Variants in USP25 observed in about 807,000 individuals in gnomAD.
USP25 encodes the protein ubiquitin carboxyl-terminal hydrolase 25.
USP25 carries 85 observed loss-of-function variants against 158.5 expected under a neutral mutation model. That is an observed-to-expected ratio of 0.54 (90% CI 0.45 to 0.64). USP25 has a LOEUF of 0.64. USP25 is among the 30% of genes least tolerant of loss of function. The pLI, the probability that USP25 is intolerant of heterozygous loss-of-function variation, is 0.00. For missense variants in USP25, 1,242 were observed against 1,327.3 expected (o/e 0.94, Z 1.00); for synonymous variants, 464 against 460.4 (o/e 1.01, Z -0.10).
intron 1 of USP25, among the ~76,000 whole-genome samples, chr21:15,730,981 T>G (rs1324524537): frequency 4.7e-5 from 6 of 127,888 alleles, no homozygotes; most frequent in African/African-American, 2.2e-4. Context: ...TTTCTGTTTT[T>G]TTTTTTTTTT....
chr21:15,826,345 A>G lies in USP25; in HGVS notation c.1446A>G (p.Ile482Met), dbSNP rs767903924. ...CTAGTTCCCCACCTAGTGGTTCCAT[A>G]CCATCACAGACATTACCAAGGTAAA... ...IDASSPPSGSIPSQTLPSTTE... is the reference protein window; with the variant it reads ...IDASSPPSGSMPSQTLPSTTE... Residue 482 changes from isoleucine to methionine, a missense_variant, in exon 13 of 26, where the codon ATA (isoleucine) becomes ATG (methionine). By Grantham distance (10) the Ile-to-Met change is conservative. Transcript: ENST00000400183. This position sits in a 1 kb window ranked among gnomAD's most constrained non-coding sequence, Gnocchi z 4.8. 6.2e-6 allele frequency: 10 copies of G among 1,613,990 alleles called. No individual in the cohort carries two copies. The highest frequency in any genetic ancestry group is 8.5e-6 in the Non-Finnish European group (10 of 1,179,918).
chr21:15,753,286 A>G (rs1280119375), intron 1 of USP25, among the ~76,000 whole-genome samples: 7 of 152,166 alleles, frequency 4.6e-5, no homozygotes, highest in East Asian at 3.9e-4. Flanking sequence ...GTTCATCTGC[A>G]TGTTGCGAGG....
At chr21:15,811,097 G>T in intron 8 of USP25, 40 bp from the exon 9 acceptor site, 1 of 1,565,078 alleles carries the variant, frequency 6.4e-7, no homozygotes, top group Non-Finnish European at 8.7e-7. Flanking sequence ...TTATAGGTCC[G>T]AAAATTGTAA....
chr21:15,781,621 T>G lies in USP25; in HGVS notation c.392+3594T>G, dbSNP rs11700743. On this transcript the variant is annotated intron_variant, in intron 4 of 25. Transcript: ENST00000400183. ...AGAACAGCAAAGTCCCTGTGGAGCA[T>G]AGAGTCAAGAATAGCTCCACAGGGA... is the stretch of plus-strand genomic sequence containing the variant. Among the ~76,000 whole-genome samples, 1,058 of 152,186 alleles carry G rather than the reference T, an allele frequency of 7.0e-3. 18 individuals carry two copies. The highest frequency in any genetic ancestry group is 6.1e-3 in the Non-Finnish European group (414 of 68,000).
chr21:15,768,298 A>G (rs1244436390), intron 3 of USP25, among the ~76,000 whole-genome samples: 6 of 152,134 alleles, frequency 3.9e-5, no homozygotes, highest in African/African-American at 1.4e-4. Context: ...GGTTATTGAC[A>G]GCAAACAGTT....
At chr21:15,825,287 CT>C (rs1314744735) in intron 12 of USP25, among the ~76,000 whole-genome samples, 1 of 152,174 alleles carries the variant, frequency 6.6e-6, no homozygotes, top group Admixed American at 6.5e-5. Flanking sequence ...AATGTTCCTA[CT>C]GCTGAAAATA....
chr21:15,749,909 T>A (rs2032855115), intron 1 of USP25, among the ~76,000 whole-genome samples: 1 of 152,204 alleles, frequency 6.6e-6, no homozygotes, highest in Non-Finnish European at 1.5e-5. Flanking sequence ...ATATTTGGTC[T>A]TTTTCCCTTG....
At chr21:15,783,208 GAA>G (rs59237764) in intron 4 of USP25, among the ~76,000 whole-genome samples, 5,764 of 142,050 alleles carry the variant, frequency 0.041, 167 homozygotes, top group Middle Eastern at 0.15. Context: ...TTCAGAAGAA[GAA>G]AAAAAAAAAA....
At chr21:15,872,505 A>G (rs2039936864) in intron 23 of USP25, among the ~76,000 whole-genome samples, 1 of 152,186 alleles carries the variant, frequency 6.6e-6, no homozygotes, top group African/African-American at 2.4e-5. Context: ...GAAAAGATAG[A>G]TGTGCTAGTT....
rs370918093 is a variant in USP25 at position 15,870,125 on chromosome 21, C to T, written c.2863C>T (p.Leu955=). 273 of 1,608,154 alleles carry T rather than the reference C, an allele frequency of 1.7e-4. No homozygotes were observed. The highest frequency in any genetic ancestry group is 1.9e-4 in the Non-Finnish European group (228 of 1,177,360). The change falls in exon 23 of 26, where the codon CTA becomes TTA. Residue 955 remains leucine (L), a synonymous_variant. Coordinates refer to ENST00000400183, the MANE Select transcript of USP25 (RefSeq NM_001283041.3). ...RETTMYLIIG[L]ENFQRESYID... ...AACAACTATGTATCTCATAATTGGG[C>T]TAGAAAATTTTCAAAGAGAAAGGTA...
At chr21:15,748,923 T>C (rs1394949394) in intron 1 of USP25, among the ~76,000 whole-genome samples, 1 of 152,242 alleles carries the variant, frequency 6.6e-6, no homozygotes, top group Non-Finnish European at 1.5e-5. Context: ...CATTTCTGAC[T>C]TGATACCTAA....
At chr21:15,773,565 A>G (rs2034477089) in intron 3 of USP25, among the ~76,000 whole-genome samples, 1 of 152,152 alleles carries the variant, frequency 6.6e-6, no homozygotes, top group Admixed American at 6.5e-5. Flanking sequence ...AGTTATTTCA[A>G]AAAATTTTGA....
At chr21:15,837,774 A>G (rs532174055) in intron 17 of USP25, among the ~76,000 whole-genome samples, 1 of 152,292 alleles carries the variant, frequency 6.6e-6, no homozygotes, top group African/African-American at 2.4e-5. Flanking sequence ...AAATTTCTCT[A>G]GAGGAAGCAG....
intron 17 of USP25, among the ~76,000 whole-genome samples, chr21:15,838,928 A>G (rs543441559): frequency 7.0e-4 from 106 of 152,282 alleles, no homozygotes; most frequent in African/African-American, 2.5e-3. Context: ...ATGAAGATGG[A>G]CAAAAGGAGC....
chr21:15,754,110 T>A (rs1036587197), intron 1 of USP25, among the ~76,000 whole-genome samples: 1 of 152,258 alleles, frequency 6.6e-6, no homozygotes, highest in African/African-American at 2.4e-5. Flanking sequence ...TTTTCAAGGT[T>A]ACTCTTGTGT....
intron 4 of USP25, among the ~76,000 whole-genome samples, chr21:15,789,096 A>G (rs548509103): frequency 1.3e-5 from 2 of 152,202 alleles, no homozygotes; most frequent in African/African-American, 2.4e-5. Context: ...GAGGCCACAC[A>G]TTCTTGCAAG....
At chr21:15,814,554 G>A (rs192631023) in intron 9 of USP25, among the ~76,000 whole-genome samples, 2 of 152,226 alleles carry the variant, frequency 1.3e-5, no homozygotes, top group East Asian at 1.9e-4. Flanking sequence ...GGCTGAGGTG[G>A]TCTCAGATGG....
Position 15,826,510 on chromosome 21 carries a change from A to G in USP25, c.1466+145A>G. On this transcript the variant is annotated intron_variant, in intron 13 of 25. Coordinates refer to ENST00000400183, the MANE Select transcript of USP25 (RefSeq NM_001283041.3). This position sits in a 1 kb window ranked among gnomAD's most constrained non-coding sequence, Gnocchi z 4.8. ...AGAGTAGATTCACTTAGAAGACTGT[A>G]TGTCCTCTGGGAGTTTTTTTATTAT... 1.1e-6 allele frequency: 1 copy of G among 909,852 alleles called. No individual in the cohort carries two copies. Among genetic ancestry groups the G allele is most frequent in the Non-Finnish European group, 1.6e-6 (1 of 616,766 alleles). 56.4% of individuals were successfully genotyped at this position (909,852 alleles called of 1,614,324 possible).
chr21:15,869,778 G>T (rs2039809232), intron 22 of USP25, among the ~76,000 whole-genome samples: 1 of 152,072 alleles, frequency 6.6e-6, no homozygotes, highest in Admixed American at 6.6e-5. Context: ...TTTTTGAGAT[G>T]ACCTGATTGA....
Sources: gnomAD v4.1 joint callset for allele counts (sites outside exome capture counted in the v4.1 genomes callset) on GRCh38, gnomAD v4.1.1 for gene constraint, Gnocchi (gnomAD v3.1) non-coding constraint, MANE v1.5 for transcripts, NCBI Gene and HGNC (gene_info 2026-07-23, HGNC 2026-07-21) for gene names.